The following RERE variants were observed in gnomAD, a reference collection of about 807,000 sequenced individuals.
RERE encodes arginine-glutamic acid dipeptide repeats protein.
RERE carries 40 observed loss-of-function variants against 146.1 expected under a neutral mutation model. That is an observed-to-expected ratio of 0.27 (90% CI 0.21 to 0.36). The LOEUF (loss-of-function observed/expected upper bound fraction) is 0.36, where lower values mean the gene tolerates loss of function less well. RERE is among the 10% of genes least tolerant of loss of function. The probability of loss-of-function intolerance (pLI) is 1.00; values close to 1 mark genes in which losing one functional copy is unlikely to be tolerated. For synonymous variants in RERE, 1,003 were observed against 866.0 expected (o/e 1.16, Z -2.78); for missense variants, 1,933 against 2,138.7 (o/e 0.90, Z 1.90).
rs149516622 is a variant in RERE at position 8,688,484 on chromosome 1, C to T, written c.-144-32043G>A. Among the ~76,000 whole-genome samples the T allele has an allele frequency of 4.5e-3, 689 of 152,062 alleles. 6 individuals carry two copies. Among genetic ancestry groups the T allele is most frequent in the African/African-American group, 0.016 (662 of 41,466 alleles). ...GCTGAGGCAGAAGAATCCCTTGAAC[C>T]CAGGAGGTGGAGGTTGCAGTGAGCC... is the stretch of plus-strand genomic sequence containing the variant. On this transcript the variant is annotated intron_variant, in intron 1 of 22. Transcript: ENST00000400908.
At position 8,807,256 on chromosome 1, in the gene RERE, G is replaced by A. The variant is rs553576825; in HGVS notation, c.-145+9904C>T. Among the ~76,000 whole-genome samples the A allele has an allele frequency of 1.2e-3, 179 of 152,066 alleles. 1 individual carries two copies. Among genetic ancestry groups the A allele is most frequent in the Admixed American group, 1.8e-3 (28 of 15,248 alleles). On this transcript the variant is annotated intron_variant, in intron 1 of 22. Transcript: ENST00000400908. ...TTTGCAGAGACGGGGGTCTTGTTACGTTGCCCAGGCTGGTCTCAAACTCCT... is the reference window on the plus strand; with the variant it reads ...TTTGCAGAGACGGGGGTCTTGTTACATTGCCCAGGCTGGTCTCAAACTCCT...
intron 2 of RERE, among the ~76,000 whole-genome samples, chr1:8,643,379 T>C (rs956713745): frequency 7.2e-5 from 11 of 152,240 alleles, no homozygotes; most frequent in Non-Finnish European, 1.3e-4. Flanking sequence ...AACACAGTTT[T>C]TGAACACACT....
At chr1:8,399,964 G>C (rs2124438734) in intron 12 of RERE, among the ~76,000 whole-genome samples, 1 of 151,992 alleles carries the variant, frequency 6.6e-6, no homozygotes, top group South Asian at 2.1e-4. Context: ...CTGGGCCTAA[G>C]TGATCTTCCT....
At chr1:8,388,129 T>C (rs1015013387) in intron 12 of RERE, among the ~76,000 whole-genome samples, 1 of 152,244 alleles carries the variant, frequency 6.6e-6, no homozygotes, top group South Asian at 2.1e-4. Context: ...TGCAGGACAT[T>C]TTTCCTCCAT....
intron 1 of RERE, among the ~76,000 whole-genome samples, chr1:8,737,026 T>C (rs948297015): frequency 6.6e-6 from 1 of 152,202 alleles, no homozygotes; most frequent in Non-Finnish European, 1.5e-5. Flanking sequence ...TATTCCTCTT[T>C]CCTCTGAAGA....
At chr1:8,659,393 C>T (rs143593617) in intron 1 of RERE, among the ~76,000 whole-genome samples, 1,673 of 152,280 alleles carry the variant, frequency 0.011, 10 homozygotes, top group Non-Finnish European at 0.018. Flanking sequence ...CCTGTCTCTA[C>T]TAAAAATACA....
chr1:8,475,130 T>C (rs1019161744), intron 10 of RERE, among the ~76,000 whole-genome samples: 16 of 152,164 alleles, frequency 1.1e-4, no homozygotes, highest in Non-Finnish European at 1.5e-5. Flanking sequence ...TCCCAGAACT[T>C]TGGGAGGCTG....
At chr1:8,522,288 T>A (rs1310184708) in intron 7 of RERE, among the ~76,000 whole-genome samples, 1 of 152,250 alleles carries the variant, frequency 6.6e-6, no homozygotes, top group Non-Finnish European at 1.5e-5. Context: ...TTCTCTCTCA[T>A]CCTGTCAGAC....
chr1:8,535,790 G>A (rs1041391159), intron 7 of RERE, among the ~76,000 whole-genome samples: 3 of 152,114 alleles, frequency 2.0e-5, no homozygotes, highest in Non-Finnish European at 4.4e-5. Flanking sequence ...AGGATGAGAA[G>A]AGGTGGGAGA....
At chr1:8,716,660 A>C (rs953535) in intron 1 of RERE, among the ~76,000 whole-genome samples, 28,770 of 152,004 alleles carry the variant, frequency 0.19, 2,982 homozygotes, top group Middle Eastern at 0.26. Context: ...GTACGTGCAC[A>C]TATATTACCT....
intron 10 of RERE, among the ~76,000 whole-genome samples, chr1:8,479,410 C>T (rs1307983128): frequency 6.6e-6 from 1 of 151,724 alleles, no homozygotes; most frequent in Non-Finnish European, 1.5e-5. Context: ...AGAAGATATA[C>T]ACATCAAATC....
At chr1:8,506,816 CCACTGTTATTTTATGTG>C (rs1364846219) in intron 8 of RERE, among the ~76,000 whole-genome samples, 6 of 152,164 alleles carry the variant, frequency 3.9e-5, no homozygotes, top group African/African-American at 1.4e-4. Flanking sequence ...ATTGTAAGAT[CCACTGTTATTTTATGTG>C]CACTGAGAAA....
intron 11 of RERE, among the ~76,000 whole-genome samples, chr1:8,427,637 T>TAAAAAAAAAAAAA (rs33996085): frequency 8.6e-6 from 1 of 116,352 alleles, no homozygotes; most frequent in Admixed American, 9.2e-5. Context: ...GGCCCCACTT[T>TAAAAAAAAAAAAA]AAAAAAAAAA....
At chr1:8,632,042 A>G (rs928713568) in intron 2 of RERE, among the ~76,000 whole-genome samples, 1 of 152,186 alleles carries the variant, frequency 6.6e-6, no homozygotes, top group Admixed American at 6.5e-5. Context: ...CCCCAAAAAA[A>G]CTATGCTCTG....
intron 8 of RERE, among the ~76,000 whole-genome samples, chr1:8,505,863 A>T (rs978128834): frequency 1.3e-5 from 2 of 152,252 alleles, no homozygotes; most frequent in Non-Finnish European, 2.9e-5. Context: ...ATTCATTTTT[A>T]AAAGTTTTAT....
At chr1:8,517,102 G>A (rs983185836) in intron 7 of RERE, among the ~76,000 whole-genome samples, 3 of 152,144 alleles carry the variant, frequency 2.0e-5, no homozygotes, top group African/African-American at 7.2e-5. Context: ...CCAGTTTCCT[G>A]GTTTTGGTAT....
chr1:8,497,216 A>C (rs944694887), intron 9 of RERE, among the ~76,000 whole-genome samples, 189 bp downstream of exon 9: 1 of 152,214 alleles, frequency 6.6e-6, no homozygotes, highest in African/African-American at 2.4e-5. Flanking sequence ...CATCATGAAA[A>C]AAATTACTTC....
chr1:8,610,518 G>C (rs899191296), intron 4 of RERE, among the ~76,000 whole-genome samples: 3 of 152,000 alleles, frequency 2.0e-5, no homozygotes, highest in Non-Finnish European at 4.4e-5. Context: ...GAACCCGGGA[G>C]GCAGAGGTGC....
chr1:8,763,455 A>G (rs1156589893), intron 1 of RERE, among the ~76,000 whole-genome samples: 1 of 152,100 alleles, frequency 6.6e-6, no homozygotes, highest in Admixed American at 6.5e-5. Flanking sequence ...CAACATAATG[A>G]AACCCCGTCT....
Sources: allele counts gnomAD v4.1 joint callset (sites outside exome capture counted in the v4.1 genomes callset), GRCh38; gene constraint gnomAD v4.1.1; transcripts MANE v1.5; gene names NCBI Gene and HGNC (gene_info 2026-07-23, HGNC 2026-07-21).